Variants in PCP4 observed in about 807,000 individuals in gnomAD.
The protein encoded by PCP4 is calmodulin regulator protein PCP4.
A neutral mutation model predicts 10.0 loss-of-function variants in PCP4; 8 were observed. The ratio of observed to expected loss-of-function variants is 0.80; its 90% CI spans 0.47 to 1.45. The LOEUF is 1.45. PCP4 is among the 40% of genes most tolerant of loss of function. The pLI, the probability that PCP4 is intolerant of heterozygous loss-of-function variation, is 0.00. For missense variants in PCP4, 54 were observed against 74.4 expected, an observed-to-expected ratio of 0.73 and a Z score of 1.01; for synonymous variants, 21 against 23.0, an observed-to-expected ratio of 0.91 and a Z score of 0.24.
At chr21:39,903,741 G>A (rs556282352) in intron 2 of PCP4, among the ~76,000 whole-genome samples, 7 of 151,836 alleles carry the variant, frequency 4.6e-5, no homozygotes, top group East Asian at 1.9e-4. Context: ...GGTGGCGGGC[G>A]CCTGTAGTCC....
chr21:39,899,279 C>T (rs142502667), intron 2 of PCP4, among the ~76,000 whole-genome samples: 1 of 152,332 alleles, frequency 6.6e-6, no homozygotes, highest in African/African-American at 2.4e-5. Context: ...CCAAGGGCCA[C>T]AGCATAGTTC....
rs746108791 is a variant in PCP4 at position 39,906,471 on chromosome 21, G to A, written c.61+7944G>A. 3.9e-5 allele frequency among the ~76,000 whole-genome samples: 6 copies of A among 152,070 alleles called. No individual in the cohort carries two copies. The highest frequency in any genetic ancestry group is 1.9e-4 in the East Asian group (1 of 5,182). ...TAGTTTTCAAAATTAAAACATCAAA[G>A]CAACATGTTCATTTATAGCCTCTTC... On this transcript the variant is annotated intron_variant, in intron 2 of 2. Coordinates refer to ENST00000328619, the MANE Select transcript of PCP4 (RefSeq NM_006198.3). This position sits in a 1 kb window ranked among gnomAD's most constrained non-coding sequence, Gnocchi z 6.3.
intron 1 of PCP4, among the ~76,000 whole-genome samples, chr21:39,881,569 C>T (rs994490304): frequency 2.0e-5 from 3 of 152,132 alleles, no homozygotes; most frequent in East Asian, 3.9e-4. Context: ...GACATCACAG[C>T]GGACACGGGA....
At chr21:39,876,795 C>T (rs181598126) in intron 1 of PCP4, among the ~76,000 whole-genome samples, 7 of 152,262 alleles carry the variant, frequency 4.6e-5, no homozygotes, top group Admixed American at 2.0e-4. Flanking sequence ...CCAGAGGTGC[C>T]GTTGACACTG....
At position 39,907,659 on chromosome 21, in the gene PCP4, T is replaced by G. The variant is rs1262225137; in HGVS notation, c.61+9132T>G. On this transcript the variant is annotated intron_variant, in intron 2 of 2. Transcript: ENST00000328619. Reference sequence around the variant, plus strand: ...AAAAAATACAAAAATTATCTGGGCGTGGTGGCGGGCACCTGTAATCCCAGT... The same window carrying G: ...AAAAAATACAAAAATTATCTGGGCGGGGTGGCGGGCACCTGTAATCCCAGT... Among the ~76,000 whole-genome samples, 3 of 152,084 alleles carry G rather than the reference T, an allele frequency of 2.0e-5. No individual in the cohort carries two copies. The East Asian group carries it at 5.8e-4, about 29-fold the overall frequency.
chr21:39,905,973 C>G (rs565805212), intron 2 of PCP4, among the ~76,000 whole-genome samples: 206 of 152,270 alleles, frequency 1.4e-3, no homozygotes, highest in African/African-American at 4.9e-3. Context: ...TGGCGTGAAC[C>G]CAGGAGGCAG....
intron 2 of PCP4, among the ~76,000 whole-genome samples, chr21:39,922,075 C>T (rs1424830941): frequency 1.3e-5 from 2 of 152,142 alleles, no homozygotes; most frequent in Non-Finnish European, 2.9e-5. Flanking sequence ...TGGTCTCAAA[C>T]TTCTGGGCTC....
At chr21:39,896,957 A>T (rs917833493) in intron 1 of PCP4, among the ~76,000 whole-genome samples, 1 of 151,892 alleles carries the variant, frequency 6.6e-6, no homozygotes, top group Non-Finnish European at 1.5e-5. Flanking sequence ...TTTTTCTAGG[A>T]TCCCATTCAG....
At chr21:39,911,908 A>G (rs1254361081) in intron 2 of PCP4, among the ~76,000 whole-genome samples, 1 of 152,218 alleles carries the variant, frequency 6.6e-6, no homozygotes, top group Non-Finnish European at 1.5e-5. Flanking sequence ...TGACAGTTGA[A>G]CAAAACTATA....
rs1323721150 is a variant in PCP4 at position 39,906,049 on chromosome 21, C to CAAAAAAAAAAAAAA, written c.61+7526_61+7527insAAAAAAAAAAAAAA. On this transcript the variant is annotated intron_variant, in intron 2 of 2. Coordinates refer to ENST00000328619, the MANE Select transcript of PCP4 (RefSeq NM_006198.3). This position sits in a 1 kb window ranked among gnomAD's most constrained non-coding sequence, Gnocchi z 6.3. ...TGGGTGACAGAGCGAGACTCCGTCT[C>CAAAAAAAAAAAAAA]AAAATGCTCCCCCATGCTGTCTTCC... Among the ~76,000 whole-genome samples the CAAAAAAAAAAAAAA allele has an allele frequency of 2.1e-4, 32 of 152,340 alleles. 2 individuals are homozygous for CAAAAAAAAAAAAAA. The highest frequency in any genetic ancestry group is 1.4e-3 in the Admixed American group (22 of 15,312).
intron 1 of PCP4, among the ~76,000 whole-genome samples, chr21:39,881,078 T>C (rs1389563199): frequency 6.6e-6 from 1 of 152,200 alleles, no homozygotes; most frequent in Admixed American, 6.5e-5. Context: ...AAATGGCCCA[T>C]ATAACTTTTA....
At chr21:39,903,198 A>G (rs541830687) in intron 2 of PCP4, among the ~76,000 whole-genome samples, 10 of 152,284 alleles carry the variant, frequency 6.6e-5, no homozygotes, top group African/African-American at 2.4e-4. Context: ...AAACCTCGTG[A>G]TGGGGCTTAC....
chr21:39,870,996 G>A (rs77426513), intron 1 of PCP4, among the ~76,000 whole-genome samples: 6,268 of 152,260 alleles, frequency 0.041, 415 homozygotes, highest in African/African-American at 0.14. Context: ...TAAATCTTTA[G>A]ATACACATGT....
At chr21:39,910,147 C>G (rs369394927) in intron 2 of PCP4, among the ~76,000 whole-genome samples, 1 of 152,312 alleles carries the variant, frequency 6.6e-6, no homozygotes, top group Middle Eastern at 3.4e-3. Context: ...GAATCATGCT[C>G]TGGCGTTCAT....
intron 1 of PCP4, among the ~76,000 whole-genome samples, chr21:39,888,587 C>T (rs910575268): frequency 6.6e-6 from 1 of 152,218 alleles, no homozygotes; most frequent in Admixed American, 6.5e-5. Flanking sequence ...ACACCTCCCT[C>T]AAGAGCTGAC....
chr21:39,882,399 A>G (rs558321723), intron 1 of PCP4, among the ~76,000 whole-genome samples: 1 of 152,248 alleles, frequency 6.6e-6, no homozygotes, highest in Non-Finnish European at 1.5e-5. Context: ...GTCTTTGGTC[A>G]TTCTTTGGCT....
chr21:39,879,213 T>C (rs143729624), intron 1 of PCP4, among the ~76,000 whole-genome samples: 1,874 of 152,226 alleles, frequency 0.012, 31 homozygotes, highest in African/African-American at 0.042. Context: ...GGTCTCAAAC[T>C]CCTGACCTCA....
chr21:39,898,045 C>CAAAAAAAAAAAAAAAAAAAAAAAAAAAAA (rs780273912), intron 1 of PCP4, among the ~76,000 whole-genome samples: 1 of 74,054 alleles, frequency 1.4e-5, no homozygotes, highest in Non-Finnish European at 2.6e-5. Context: ...GACTCAGTCT[C>CAAAAAAAAAAAAAAAAAAAAAAAAAAAAA]AAAAAAAAAA....
intron 1 of PCP4, among the ~76,000 whole-genome samples, chr21:39,889,411 C>CT (rs547540626): frequency 0.016 from 1,361 of 85,656 alleles, 35 homozygotes; most frequent in Middle Eastern, 0.022. Flanking sequence ...AAACCAAGTT[C>CT]TTTTTTTTTT....
Sources: allele counts gnomAD v4.1 joint callset (sites outside exome capture counted in the v4.1 genomes callset), GRCh38; gene constraint gnomAD v4.1.1; non-coding constraint Gnocchi (gnomAD v3.1); transcripts MANE v1.5; gene names NCBI Gene and HGNC (gene_info 2026-07-23, HGNC 2026-07-21).